Variants in RABGAP1L observed in about 807,000 individuals in gnomAD.
The protein encoded by RABGAP1L is RAB GTPase activating protein 1 like, also known as rab GTPase-activating protein 1-like.
A neutral mutation model predicts 137.7 loss-of-function variants in RABGAP1L; 63 were observed. The observed-to-expected ratio is 0.46, with a 90% CI of 0.37 to 0.56. The LOEUF is 0.56. Among genes scored for constraint, RABGAP1L ranks in the 20% least tolerant of loss-of-function variants. The pLI is 0.00. For missense variants in RABGAP1L, 1,095 were observed against 1,244.0 expected (o/e 0.88, Z 1.80); for synonymous variants, 431 against 433.7 (o/e 0.99, Z 0.08).
intron 10 of RABGAP1L, among the ~76,000 whole-genome samples, chr1:174,281,523 C>G (rs1159580914): frequency 6.6e-6 from 1 of 152,214 alleles, no homozygotes; most frequent in Non-Finnish European, 1.5e-5. Flanking sequence ...CCACCCGACC[C>G]AGAAGCCCAG....
At chr1:174,339,495 C>T (rs928934750) in intron 11 of RABGAP1L, among the ~76,000 whole-genome samples, 22 of 152,112 alleles carry the variant, frequency 1.4e-4, no homozygotes, top group Admixed American at 1.3e-3. Flanking sequence ...CATAAGTGGA[C>T]AGTCTAATAA....
intron 11 of RABGAP1L, among the ~76,000 whole-genome samples, chr1:174,326,814 A>G (rs796692286): frequency 7.2e-5 from 11 of 152,300 alleles, no homozygotes; most frequent in African/African-American, 2.4e-4. Flanking sequence ...GAGAAAAGCA[A>G]ATAACAAATA....
At chr1:174,741,646 G>A (rs1323136460) in intron 17 of RABGAP1L, among the ~76,000 whole-genome samples, 1 of 151,988 alleles carries the variant, frequency 6.6e-6, no homozygotes, top group African/African-American at 2.4e-5. Context: ...ACAGGTGTGA[G>A]CCACTGTACC....
intron 13 of RABGAP1L, among the ~76,000 whole-genome samples, chr1:174,509,363 T>G (rs1328876552): frequency 6.6e-6 from 1 of 152,166 alleles, no homozygotes; most frequent in Non-Finnish European, 1.5e-5. Context: ...TTATATCAAC[T>G]TTTTGTATAT....
intron 13 of RABGAP1L, among the ~76,000 whole-genome samples, chr1:174,511,945 T>A (rs1662387063): frequency 6.6e-6 from 1 of 152,210 alleles, no homozygotes; most frequent in Non-Finnish European, 1.5e-5. Context: ...CATGTAATTT[T>A]CTTACATATT....
In RABGAP1L at chr1:174,837,786, C is replaced by T. The variant is rs1475988658; in HGVS notation, c.2340+25826C>T. Among the ~76,000 whole-genome samples the T allele has an allele frequency of 4.6e-5, 7 of 152,108 alleles. No individual in the cohort carries two copies. The East Asian group carries it at 1.4e-3, about 29-fold the overall frequency. ...TTAGCATCTAGAATTATTTTCTTTC[C>T]CATTTTATATGATGATAATAAAAGC... On this transcript the variant is annotated intron_variant, in intron 19 of 25. Transcript: ENST00000681986.
chr1:174,699,677 A>C, intron 16 of RABGAP1L, 27 bp downstream of exon 16: 1 of 1,571,210 alleles, frequency 6.4e-7, no homozygotes, highest in Non-Finnish European at 8.7e-7. Flanking sequence ...AACTTTTATC[A>C]CTCAGGGATT....
chr1:174,966,557 G>A lies in RABGAP1L; in HGVS notation c.2434-2720G>A, dbSNP rs1356798457. 4.6e-5 allele frequency among the ~76,000 whole-genome samples: 7 copies of A among 152,100 alleles called. No individual in the cohort carries two copies. The East Asian group carries it at 1.3e-3, about 29-fold the overall frequency. On this transcript the variant is annotated intron_variant, in intron 20 of 25. Coordinates refer to ENST00000681986, the MANE Select transcript of RABGAP1L (RefSeq NM_001366446.1). ...AATAAAGGCTAACTCTCCAGCCCCT[G>A]CTAGAAATTGTGTTGCTTAGGCAAA...
chr1:174,567,478 T>A (rs1479232110), intron 13 of RABGAP1L, among the ~76,000 whole-genome samples: 1 of 152,190 alleles, frequency 6.6e-6, no homozygotes, highest in Non-Finnish European at 1.5e-5. Flanking sequence ...TGATTTAATA[T>A]CTAAATAAAG....
chr1:174,209,320 C>T (rs2148424384), intron 1 of RABGAP1L, among the ~76,000 whole-genome samples: 1 of 152,216 alleles, frequency 6.6e-6, no homozygotes, highest in African/African-American at 2.4e-5. Flanking sequence ...GGCCTTGGCT[C>T]TTAGATGGTA....
chr1:174,524,415 A>AT (rs899392180), intron 13 of RABGAP1L, among the ~76,000 whole-genome samples: 1 of 151,804 alleles, frequency 6.6e-6, no homozygotes, highest in African/African-American at 2.4e-5. Context: ...GATGTTGAAC[A>AT]TTTTTTTATA....
In RABGAP1L at chr1:174,524,594, G is replaced by A. The variant is rs979955464; in HGVS notation, c.1711-112781G>A. On this transcript the variant is annotated intron_variant, in intron 13 of 25. Coordinates refer to ENST00000681986, the MANE Select transcript of RABGAP1L (RefSeq NM_001366446.1). Reference sequence around the variant, plus strand: ...GATATTTTCTCCTGTTCAACAAGTTGTCTCTTCACTATGTTGATTATTTCC... The same window carrying A: ...GATATTTTCTCCTGTTCAACAAGTTATCTCTTCACTATGTTGATTATTTCC... Among the ~76,000 whole-genome samples, 6 of 152,074 alleles carry A rather than the reference G, an allele frequency of 3.9e-5. No individual in the cohort carries two copies. In the South Asian group the frequency reaches 1.2e-3, roughly 32 times the overall value.
chr1:174,216,443 AAAT>A (rs1669324049), intron 1 of RABGAP1L, among the ~76,000 whole-genome samples: 1 of 152,166 alleles, frequency 6.6e-6, no homozygotes, highest in African/African-American at 2.4e-5. Flanking sequence ...CAAAAATTAA[AAAT>A]AAAGGAGTAA....
chr1:174,282,701 G>A (rs1675684322), intron 10 of RABGAP1L, among the ~76,000 whole-genome samples: 2 of 152,058 alleles, frequency 1.3e-5, no homozygotes, highest in Non-Finnish European at 2.9e-5. Context: ...CCTCAAGGTT[G>A]TGAAGATGTT....
intron 13 of RABGAP1L, among the ~76,000 whole-genome samples, chr1:174,462,546 A>G (rs141263941): frequency 0.017 from 2,538 of 151,850 alleles, 66 homozygotes; most frequent in African/African-American, 0.059. Flanking sequence ...TTCAACTTTT[A>G]TTGTAGGTTC....
intron 1 of RABGAP1L, among the ~76,000 whole-genome samples, chr1:174,181,228 A>T (rs1039596701): frequency 6.6e-6 from 1 of 152,052 alleles, no homozygotes; most frequent in Non-Finnish European, 1.5e-5. Flanking sequence ...TTGGTCTTGA[A>T]TTCCTATGCT....
At chr1:174,422,893 G>A (rs1651493060) in intron 13 of RABGAP1L, among the ~76,000 whole-genome samples, 2 of 144,622 alleles carry the variant, frequency 1.4e-5, no homozygotes, top group Admixed American at 1.4e-4. Context: ...GTTGCAGTGA[G>A]CCGAGATCAT....
chr1:174,983,964 T>G (rs979743293), intron 24 of RABGAP1L, among the ~76,000 whole-genome samples: 1 of 151,240 alleles, frequency 6.6e-6, no homozygotes. Context: ...TCTTTGTACA[T>G]TATAGGCATA....
At chr1:174,581,528 T>C (rs965908855) in intron 13 of RABGAP1L, among the ~76,000 whole-genome samples, 1 of 152,216 alleles carries the variant, frequency 6.6e-6, no homozygotes, top group East Asian at 1.9e-4. Flanking sequence ...CAATGGCCTC[T>C]GCTTTCAGTA....
Sources: gnomAD v4.1 joint callset for allele counts (sites outside exome capture counted in the v4.1 genomes callset) on GRCh38, gnomAD v4.1.1 for gene constraint, MANE v1.5 for transcripts, NCBI Gene and HGNC (gene_info 2026-07-23, HGNC 2026-07-21) for gene names.